GCC2: variants seen among roughly 807,000 people sequenced by gnomAD.
GCC2 encodes the protein GRIP and coiled-coil domain containing 2.
In GCC2, 120 loss-of-function variants were observed where a neutral mutation model predicts 210.6. The observed-to-expected ratio is 0.57, with a 90% CI of 0.49 to 0.66. GCC2 has a LOEUF of 0.66. GCC2 is among the 30% of genes least tolerant of loss of function. The pLI, the probability that GCC2 is intolerant of heterozygous loss-of-function variation, is 0.00. For synonymous variants in GCC2, 703 were observed against 652.7 expected (o/e 1.08, Z -1.17); for missense variants, 1,868 against 1,871.9 (o/e 1.00, Z 0.04).
chr2:108,468,993 G>A lies in GCC2; in HGVS notation c.230G>A (p.Arg77His), dbSNP rs202134489. ...GTTCTAAAATAGGCATTAACTGAAC[G>A]TCTGGATGCTCTTCTTCTGGAAAAA... is the stretch of plus-strand genomic sequence containing the variant. ...TGDIIKALTE[R>H]LDALLLEKAE... Residue 77 changes from arginine (R) to histidine (H), a missense_variant, in exon 5 of 23, where the codon CGT becomes CAT. Transcript: ENST00000309863. 3.6e-5 allele frequency: 58 copies of A among 1,610,126 alleles called. No homozygotes were observed. The South Asian group carries it at 3.8e-4, about 11-fold the overall frequency.
Position 108,471,909 on chromosome 2 carries a change from T to C in GCC2, c.2580T>C (p.Asp860=). 1 of 1,602,616 alleles carries C rather than the reference T, an allele frequency of 6.2e-7. No individual in the cohort carries two copies. The highest frequency in any genetic ancestry group is 8.5e-7 in the Non-Finnish European group (1 of 1,176,600). ...CAGAAAAAGAGGCCCTGCAGTCTGATCTTCTAGAAATGAAGAATGCTAATG... is the reference window on the plus strand; with the variant it reads ...CAGAAAAAGAGGCCCTGCAGTCTGACCTTCTAGAAATGAAGAATGCTAATG... ...IQSEKEALQS[D]LLEMKNANEK... The change falls in exon 6 of 23, where the codon GAT becomes GAC. Residue 860 remains aspartate, a synonymous_variant. Coordinates refer to ENST00000309863, the MANE Select transcript of GCC2 (RefSeq NM_181453.4).
intron 3 of GCC2, among the ~76,000 whole-genome samples, chr2:108,452,065 A>G (rs955162716): frequency 6.6e-6 from 1 of 152,066 alleles, no homozygotes; most frequent in Non-Finnish European, 1.5e-5. Flanking sequence ...GCTGTTCTCG[A>G]TAACGTTTAT....
rs3084885 is a variant in GCC2 at position 108,498,183 on chromosome 2, CTTTTTTTTTTTT to C, written c.4782+1093_4782+1104del. Among the ~76,000 whole-genome samples the C allele has an allele frequency of 5.1e-3, 296 of 57,488 alleles. 2 individuals carry two copies. The highest frequency in any genetic ancestry group is 7.6e-3 in the Non-Finnish European group (244 of 31,914). The allele number at this position is 57,488 out of a possible 152,430, so 37.7% of individuals were successfully genotyped here. ...ATGACTTATTTAAATGTTATATTTT[CTTTTTTTTTTTT>C]TTTTTTTTTTTTTTTTTTGAGATAG... On this transcript the variant is annotated intron_variant, in intron 21 of 22. Coordinates refer to ENST00000309863, the MANE Select transcript of GCC2 (RefSeq NM_181453.4).
intron 15 of GCC2, chr2:108,486,290 G>A (rs1682136300): frequency 1.8e-6 from 1 of 547,456 alleles, no homozygotes; most frequent in Non-Finnish European, 3.3e-6. Flanking sequence ...TGTAGTCTGG[G>A]ATTTTCTTTT....
chr2:108,465,919 A>C (rs371392927), intron 4 of GCC2, among the ~76,000 whole-genome samples: 21 of 152,268 alleles, frequency 1.4e-4, no homozygotes, highest in African/African-American at 5.1e-4. Flanking sequence ...CAGTGGCACA[A>C]TCTCGGCTCA....
Position 108,482,354 on chromosome 2 carries a change from A to G in GCC2, c.3248A>G (p.Lys1083Arg). The G allele has an allele frequency of 6.3e-7, 1 of 1,578,162 alleles. No individual in the cohort carries two copies. The highest frequency in any genetic ancestry group is 1.1e-5 in the South Asian group (1 of 90,166). ...ARIETLQSNA[K>R]LLEVQILEVQ... ...ATTGAGACATTACAGTCTAATGCCA[A>G]ATTATTAGAAGTACAGATTTTAGAA... The change falls in exon 11 of 23, where the codon AAA becomes AGA. Residue 1083 changes from lysine (K) to arginine (R), a missense_variant. By Grantham distance (26) the Lys-to-Arg change is conservative (BLOSUM62 2). This residue lies in a region of GCC2 where 1,847 missense variants were observed against 1,765.2 expected (regional missense o/e 1.05). Transcript: ENST00000309863.
At chr2:108,462,133 G>A (rs1339717793) in intron 4 of GCC2, among the ~76,000 whole-genome samples, 11 of 142,506 alleles carry the variant, frequency 7.7e-5, no homozygotes, top group African/African-American at 2.8e-4. Flanking sequence ...CACTGCACCC[G>A]GCCACTAAAT....
chr2:108,462,014 A>G (rs868372674), intron 4 of GCC2, among the ~76,000 whole-genome samples: 9 of 118,894 alleles, frequency 7.6e-5, no homozygotes, highest in Middle Eastern at 6.2e-3. Flanking sequence ...TTTTTTTTGT[A>G]TTTTAGTAGA....
intron 18 of GCC2, among the ~76,000 whole-genome samples, chr2:108,491,793 T>A (rs1327515157): frequency 7.9e-5 from 12 of 151,794 alleles, no homozygotes; most frequent in Non-Finnish European, 1.5e-5. Flanking sequence ...TTATTTTTTT[T>A]ACCAAAGCCA....
intron 21 of GCC2, 66 bp downstream of exon 21, chr2:108,497,175 T>C: frequency 1.2e-6 from 2 of 1,609,628 alleles, no homozygotes; most frequent in Non-Finnish European, 1.7e-6. Context: ...TCCATACACA[T>C]GCACGATCTC....
intron 4 of GCC2, among the ~76,000 whole-genome samples, chr2:108,465,932 G>A (rs1680858677): frequency 6.6e-6 from 1 of 152,128 alleles, no homozygotes; most frequent in African/African-American, 2.4e-5. Flanking sequence ...TCGGCTCACC[G>A]CAACCTCTGC....
chr2:108,486,508 C>T lies in GCC2; in HGVS notation c.3793-3C>T, dbSNP rs1212076073. On this transcript the variant is annotated splice_polypyrimidine_tract_variant and splice_region_variant and intron_variant, in intron 15 of 22. Coordinates refer to ENST00000309863, the MANE Select transcript of GCC2 (RefSeq NM_181453.4). ...AAAGCTAAATTTAAAGATTTACCCC[C>T]AGATACAGCTGGCTGAAATAACATC... is the stretch of plus-strand genomic sequence containing the variant. 6.2e-7 allele frequency: 1 copy of T among 1,613,832 alleles called. No homozygotes were observed. The highest frequency in any genetic ancestry group is 1.3e-5 in the African/African-American group (1 of 74,920).
chr2:108,463,533 TAA>T (rs1026513791), intron 4 of GCC2, among the ~76,000 whole-genome samples: 18 of 152,136 alleles, frequency 1.2e-4, no homozygotes, highest in Non-Finnish European at 2.1e-4. Flanking sequence ...GAGGCTGTGG[TAA>T]AGTTTTGCTG....
chr2:108,486,101 G>T (rs980622919), intron 15 of GCC2, among the ~76,000 whole-genome samples, 193 bp downstream of exon 15: 3 of 152,064 alleles, frequency 2.0e-5, no homozygotes, highest in Admixed American at 2.0e-4. Context: ...TTATTTTCAT[G>T]TATTTGGAAA....
chr2:108,477,890 A>G (rs1360678467), intron 9 of GCC2, among the ~76,000 whole-genome samples: 1 of 152,142 alleles, frequency 6.6e-6, no homozygotes, highest in Non-Finnish European at 1.5e-5. Context: ...TACAAAATAC[A>G]CAAAATTTAG....
rs1471744452 is a variant in GCC2, at chr2:108,472,017, TGAAAAA to T, written c.2695_2700del (p.Glu899_Lys900del). 8 of 1,595,292 alleles carry T rather than the reference TGAAAAA, an allele frequency of 5.0e-6. No homozygotes were observed. Among genetic ancestry groups the T allele is most frequent in the Middle Eastern group, 3.4e-4 (2 of 5,930 alleles). On this transcript the variant is annotated inframe_deletion, in exon 6 of 23. Transcript: ENST00000309863. ...CATGTAGCAAAAGTGAAATCCATAA[TGAAAAA>T]GAAAAATGTTTTATAAAGGAACATG...
At chr2:108,489,602 A>G (rs1266124409) in intron 17 of GCC2, among the ~76,000 whole-genome samples, 1 of 151,988 alleles carries the variant, frequency 6.6e-6, no homozygotes, top group African/African-American at 2.4e-5. Flanking sequence ...CTTTTTGAAT[A>G]TGAAATTCTA....
At chr2:108,476,300 C>T (rs761354528) in intron 9 of GCC2, among the ~76,000 whole-genome samples, 5 of 152,038 alleles carry the variant, frequency 3.3e-5, no homozygotes, top group African/African-American at 4.8e-5. Flanking sequence ...CCTCGTGATC[C>T]ACCTACCTCG....
At position 108,492,655 on chromosome 2, in the gene GCC2, G is replaced by T; in HGVS notation, c.4312G>T (p.Val1438Phe). 6.2e-7 allele frequency: 1 copy of T among 1,613,878 alleles called. No homozygotes were observed. Among genetic ancestry groups the T allele is most frequent in the Non-Finnish European group, 8.5e-7 (1 of 1,179,728 alleles). Residue 1438 changes from valine (V) to phenylalanine (F), a missense_variant, in exon 19 of 23, where the codon GTC (valine) becomes TTC (phenylalanine). By Grantham distance (50) the Val-to-Phe change is conservative. This residue lies in a region of GCC2 where 1,847 missense variants were observed against 1,765.2 expected (regional missense o/e 1.05). Transcript: ENST00000309863. ...GAGTCAGCTAACATCCCAGAACGAG[G>T]TCCTTCGAAATAGCTTCCGAGATCA... is the stretch of plus-strand genomic sequence containing the variant. ...TVSQLTSQNE[V>F]LRNSFRDQVR...
Sources: allele counts gnomAD v4.1 joint callset (sites outside exome capture counted in the v4.1 genomes callset), GRCh38; gene constraint gnomAD v4.1.1; regional missense constraint gnomAD v4.1.1; transcripts MANE v1.5; gene names NCBI Gene and HGNC (gene_info 2026-07-23, HGNC 2026-07-21).